Variants in AXDND1 observed in about 807,000 individuals in gnomAD.
AXDND1 encodes axonemal dynein light chain domain-containing protein 1.
Under a neutral mutation model 137.5 loss-of-function variants are expected in AXDND1, and 110 were observed. The ratio of observed to expected loss-of-function variants is 0.80; its 90% confidence interval spans 0.69 to 0.94. The LOEUF is 0.94. Among genes scored for constraint, AXDND1 ranks in the 40% least tolerant of loss-of-function variants. The pLI is 0.00. For missense variants in AXDND1, 1,191 were observed against 1,169.8 expected (o/e 1.02, Z -0.26); for synonymous variants, 414 against 399.7 (o/e 1.04, Z -0.43).
At chr1:179,536,541 G>A (rs544452219) in intron 25 of AXDND1, among the ~76,000 whole-genome samples, 19 of 152,058 alleles carry the variant, frequency 1.2e-4, no homozygotes, top group South Asian at 2.1e-4. Flanking sequence ...GTGTTATTTC[G>A]GAGGCCTCTG....
Position 179,468,548 on chromosome 1 carries a change from T to C in AXDND1, c.1904T>C (p.Ile635Thr). ...ACGCCTCTTGAAGAATGGCAGGAAATAGATGAAAAAATTAATGAAATGAAA... is the reference window on the plus strand; with the variant it reads ...ACGCCTCTTGAAGAATGGCAGGAAACAGATGAAAAAATTAATGAAATGAAA... ...PDTPLEEWQE[I>T]DEKINEMKSH... The change falls in exon 17 of 26, where the codon ATA becomes ACA. Residue 635 changes from isoleucine (I) to threonine (T), a missense_variant. Coordinates refer to ENST00000367618, the MANE Select transcript of AXDND1 (RefSeq NM_144696.6). The C allele has an allele frequency of 6.2e-7, 1 of 1,612,736 alleles. No individual in the cohort carries two copies. Among genetic ancestry groups the C allele is most frequent in the Middle Eastern group, 1.7e-4 (1 of 5,840 alleles).
Position 179,378,633 on chromosome 1 carries a change from T to C in AXDND1, c.375-4T>C. The C allele has an allele frequency of 6.4e-7, 1 of 1,568,264 alleles. No individual in the cohort carries two copies. Among genetic ancestry groups the C allele is most frequent in the East Asian group, 2.3e-5 (1 of 43,200 alleles). On this transcript the variant is annotated splice_region_variant and splice_polypyrimidine_tract_variant and intron_variant, in intron 4 of 25. Transcript: ENST00000367618. ...TTTGTAAATATATTTTTCTTACTTTTTAGGGATATTTCTTTTCTGTACGAT... is the reference window on the plus strand; with the variant it reads ...TTTGTAAATATATTTTTCTTACTTTCTAGGGATATTTCTTTTCTGTACGAT...
intron 20 of AXDND1, among the ~76,000 whole-genome samples, chr1:179,505,326 A>G (rs1668431738): frequency 6.6e-6 from 1 of 152,116 alleles, no homozygotes. Flanking sequence ...TTTCCAGCCA[A>G]GGAGATTTGC....
intron 15 of AXDND1, among the ~76,000 whole-genome samples, chr1:179,441,837 G>A (rs1464966605): frequency 6.6e-6 from 1 of 152,154 alleles, no homozygotes; most frequent in Non-Finnish European, 1.5e-5. Flanking sequence ...GTCTAGCCTG[G>A]TCTGCAGACA....
In AXDND1 at chr1:179,383,539, A is replaced by G. The variant is rs754536225; in HGVS notation, c.736A>G (p.Thr246Ala). 2 of 1,611,864 alleles carry G rather than the reference A, an allele frequency of 1.2e-6. No homozygotes were observed. Among genetic ancestry groups the G allele is most frequent in the Admixed American group, 1.7e-5 (1 of 59,990 alleles). ...GGAAAATCAGGAATATACAGGACCA[A>G]CGAAGGTAATTGCAAAGCCGAATGC... ...GVENQEYTGP[T>A]KMHKLLHILK... Residue 246 changes from threonine to alanine, a missense_variant, in exon 8 of 26, where the codon ACG (threonine) becomes GCG (alanine). Transcript: ENST00000367618.
At chr1:179,486,139 A>AAAAAAAAAAAAAAAAAAAAT (rs149119239) in intron 18 of AXDND1, among the ~76,000 whole-genome samples, 3 of 87,768 alleles carry the variant, frequency 3.4e-5, no homozygotes, top group Non-Finnish European at 6.9e-5. Context: ...AAAAAAAAAA[A>AAAAAAAAAAAAAAAAAAAAT]AACCTGATAG....
chr1:179,554,376 A>C, intron 25 of AXDND1, 136 bp from the exon 26 acceptor site: 2 of 1,381,598 alleles, frequency 1.4e-6, no homozygotes, highest in Non-Finnish European at 2.1e-6. Flanking sequence ...TGATATGGCT[A>C]TAGTACTCAG....
At position 179,509,384 on chromosome 1, in the gene AXDND1, T is replaced by C. The variant is rs1009283912; in HGVS notation, c.2477T>C (p.Ile826Thr). 4.4e-6 allele frequency: 7 copies of C among 1,607,782 alleles called. No homozygotes were observed. Among genetic ancestry groups the C allele is most frequent in the Middle Eastern group, 1.7e-4 (1 of 6,032 alleles). Residue 826 changes from isoleucine to threonine, a missense_variant, in exon 21 of 26, where the codon ATA (isoleucine) becomes ACA (threonine). Coordinates refer to ENST00000367618, the MANE Select transcript of AXDND1 (RefSeq NM_144696.6). ...RKITLLTYEE[I>T]ERLLEEEAVK... Reference sequence around the variant, plus strand: ...ATTACATTATTGACATATGAAGAAATAGAGCGGCTACTTGAAGAGGTATTT... The same window carrying C: ...ATTACATTATTGACATATGAAGAAACAGAGCGGCTACTTGAAGAGGTATTT...
intron 25 of AXDND1, chr1:179,543,204 G>A (rs1456913204): frequency 6.6e-6 from 1 of 152,206 alleles, no homozygotes; most frequent in African/African-American, 2.4e-5. Context: ...ACAGAGTAGG[G>A]GATGTATTTA....
At position 179,433,277 on chromosome 1, in the gene AXDND1, C is replaced by G. The variant is rs188739217; in HGVS notation, c.1563+935C>G. On this transcript the variant is annotated intron_variant, in intron 15 of 25. Coordinates refer to ENST00000367618, the MANE Select transcript of AXDND1 (RefSeq NM_144696.6). Reference sequence around the variant, plus strand: ...TCTTCTCTCTTCTTTATTAGTCTAGCTAGTGGTCTATTTTGTTAATTTTTT... The same window carrying G: ...TCTTCTCTCTTCTTTATTAGTCTAGGTAGTGGTCTATTTTGTTAATTTTTT... Among the ~76,000 whole-genome samples the G allele has an allele frequency of 5.3e-3, 804 of 152,170 alleles. 9 individuals are homozygous for G. Among genetic ancestry groups the G allele is most frequent in the African/African-American group, 0.019 (780 of 41,500 alleles).
intron 9 of AXDND1, among the ~76,000 whole-genome samples, chr1:179,391,439 T>G (rs1192008056): frequency 6.6e-6 from 1 of 152,080 alleles, no homozygotes; most frequent in African/African-American, 2.4e-5. Context: ...GTAGAGATGG[T>G]TGAGTCATGA....
chr1:179,366,656 AAAT>A (rs1201684424), intron 2 of AXDND1, 50 bp downstream of exon 2: 7 of 1,474,356 alleles, frequency 4.7e-6, no homozygotes, highest in Non-Finnish European at 6.6e-6. Flanking sequence ...CGTAAGACAG[AAAT>A]CACCTTCCAT....
chr1:179,394,972 G>T, intron 10 of AXDND1, 126 bp from the exon 11 acceptor site: 1 of 688,098 alleles, frequency 1.5e-6, no homozygotes. Context: ...TTTATAAGGT[G>T]GAAAAACTGG....
intron 20 of AXDND1, among the ~76,000 whole-genome samples, chr1:179,493,570 A>G (rs1400597939): frequency 6.6e-6 from 1 of 152,232 alleles, no homozygotes; most frequent in Non-Finnish European, 1.5e-5. Context: ...TTTTAAAGAA[A>G]CGGTCAAACT....
intron 9 of AXDND1, among the ~76,000 whole-genome samples, chr1:179,390,124 G>C (rs1212687416): frequency 6.6e-6 from 1 of 150,640 alleles, no homozygotes; most frequent in Non-Finnish European, 1.5e-5. Context: ...AGTGATTCTT[G>C]TGTCTCAGCC....
intron 12 of AXDND1, among the ~76,000 whole-genome samples, chr1:179,418,190 TCTTAACGAGCATGCTGC>T (rs1655004189): frequency 6.6e-6 from 1 of 151,850 alleles, no homozygotes; most frequent in Non-Finnish European, 1.5e-5. Flanking sequence ...TGGTGATGAC[TCTTAACGAGCATGCTGC>T]CTTCAAGCAT....
At chr1:179,525,961 A>G (rs1670496967) in intron 22 of AXDND1, among the ~76,000 whole-genome samples, 2 of 152,162 alleles carry the variant, frequency 1.3e-5, no homozygotes, top group Admixed American at 6.5e-5. Flanking sequence ...CTTTATTTTC[A>G]GAGGAAGGGA....
intron 9 of AXDND1, among the ~76,000 whole-genome samples, chr1:179,388,727 A>G (rs1462168741): frequency 6.7e-6 from 1 of 150,138 alleles, no homozygotes; most frequent in Non-Finnish European, 1.5e-5. Flanking sequence ...AGCTGGGACT[A>G]CAGGCACACA....
chr1:179,509,676 A>G (rs1168299466), intron 21 of AXDND1, among the ~76,000 whole-genome samples: 9 of 152,160 alleles, frequency 5.9e-5, no homozygotes. Context: ...CCTGAGGCAT[A>G]TCCTCAGGTT....
Sources: allele counts gnomAD v4.1 joint callset (sites outside exome capture counted in the v4.1 genomes callset), GRCh38; gene constraint gnomAD v4.1.1; transcripts MANE v1.5; gene names NCBI Gene and HGNC (gene_info 2026-07-23, HGNC 2026-07-21).